Variants in ZMYM4 observed in about 807,000 individuals in gnomAD.
ZMYM4 encodes the protein zinc finger MYM-type containing 4.
A neutral mutation model predicts 183.2 loss-of-function variants in ZMYM4; 31 were observed. The ratio of observed to expected loss-of-function variants is 0.17; its 90% CI spans 0.13 to 0.23. The LOEUF is 0.23. Ranked by LOEUF, ZMYM4 falls within the 10% of genes least tolerant of loss-of-function variation. The pLI is 1.00. For synonymous variants in ZMYM4, 592 were observed against 631.2 expected, an observed-to-expected ratio of 0.94 and a Z score of 0.93; for missense variants, 1,273 against 1,840.3, an observed-to-expected ratio of 0.69 and a Z score of 5.64.
At chr1:35,280,792 G>T (rs1006218955) in intron 1 of ZMYM4, among the ~76,000 whole-genome samples, 11 of 151,978 alleles carry the variant, frequency 7.2e-5, no homozygotes, top group African/African-American at 2.7e-4. Flanking sequence ...CTCTTCATTG[G>T]ATTTAGGGCC....
intron 1 of ZMYM4, among the ~76,000 whole-genome samples, chr1:35,306,241 C>T (rs986693091): frequency 6.6e-6 from 1 of 152,084 alleles, no homozygotes; most frequent in African/African-American, 2.4e-5. Context: ...AAGTTATTAT[C>T]TTTAAAAATT....
chr1:35,317,330 G>C (rs1165469223), intron 1 of ZMYM4, among the ~76,000 whole-genome samples: 3 of 151,974 alleles, frequency 2.0e-5, no homozygotes, highest in Non-Finnish European at 4.4e-5. Flanking sequence ...CTACTCAGGA[G>C]GCTGAGCCAA....
chr1:35,340,108 C>G (rs923370715), intron 2 of ZMYM4, among the ~76,000 whole-genome samples: 35 of 152,104 alleles, frequency 2.3e-4, no homozygotes, highest in African/African-American at 8.5e-4. Flanking sequence ...AAGTTTCTGA[C>G]AGAACAAAAT....
intron 7 of ZMYM4, among the ~76,000 whole-genome samples, chr1:35,372,670 AT>A (rs1000058138): frequency 5.3e-5 from 8 of 152,082 alleles, no homozygotes; most frequent in African/African-American, 1.9e-4. Context: ...GGTGTTTCAG[AT>A]TTTGGATTTT....
Position 35,282,312 on chromosome 1 carries a change from C to T in ZMYM4, c.39+13227C>T, listed in dbSNP as rs75662307. Among the ~76,000 whole-genome samples, 1,254 of 152,326 alleles carry T rather than the reference C, an allele frequency of 8.2e-3. 4 individuals carry two copies. Among genetic ancestry groups the T allele is most frequent in the Middle Eastern group, 0.027 (8 of 294 alleles). ...TCTACCTTTTGTAAGTCTCTTTGCC[C>T]CCTTGCCTTTTTGCTTTTCCATGCT... On this transcript the variant is annotated intron_variant, in intron 1 of 29. Transcript: ENST00000314607.
At chr1:35,283,992 C>T (rs1439457786) in intron 1 of ZMYM4, among the ~76,000 whole-genome samples, 3 of 150,560 alleles carry the variant, frequency 2.0e-5, no homozygotes, top group East Asian at 2.0e-4. Flanking sequence ...TTTTTTGAGA[C>T]GGAGTCTCGC....
At chr1:35,383,455 A>C (rs1644509009) in intron 9 of ZMYM4, among the ~76,000 whole-genome samples, 1 of 152,142 alleles carries the variant, frequency 6.6e-6, no homozygotes, top group East Asian at 1.9e-4. Context: ...ACCTTGTAGT[A>C]ATTTTGGAAT....
At chr1:35,319,582 T>G (rs1642198699) in intron 1 of ZMYM4, among the ~76,000 whole-genome samples, 1 of 152,120 alleles carries the variant, frequency 6.6e-6, no homozygotes, top group African/African-American at 2.4e-5. Context: ...ATGATCATGT[T>G]ACTGCATTCC....
chr1:35,277,477 T>G (rs765145282), intron 1 of ZMYM4, among the ~76,000 whole-genome samples: 1 of 152,204 alleles, frequency 6.6e-6, no homozygotes, highest in South Asian at 2.1e-4. Context: ...TGAATTCTTG[T>G]TGGATCGTTC....
chr1:35,344,721 A>G (rs1015362636), intron 2 of ZMYM4, among the ~76,000 whole-genome samples: 2 of 152,130 alleles, frequency 1.3e-5, no homozygotes, highest in South Asian at 2.1e-4. Context: ...TCTATATTCA[A>G]TTTGCCAATA....
intron 21 of ZMYM4, 48 bp from the exon 22 acceptor site, chr1:35,398,816 A>T: frequency 6.3e-7 from 1 of 1,592,266 alleles, no homozygotes; most frequent in African/African-American, 1.3e-5. Context: ...GCATGTCAAG[A>T]TGAGGCTATT....
chr1:35,368,638 T>C (rs941539318), intron 5 of ZMYM4, among the ~76,000 whole-genome samples: 3 of 152,218 alleles, frequency 2.0e-5, no homozygotes, highest in Admixed American at 6.5e-5. Context: ...TCATTATGTA[T>C]CAAGAACCTT....
intron 3 of ZMYM4, among the ~76,000 whole-genome samples, chr1:35,360,943 ATTT>A (rs558784834): frequency 7.2e-6 from 1 of 138,138 alleles, no homozygotes. Flanking sequence ...AGCAAAAATA[ATTT>A]TTTTTTTTTT....
chr1:35,362,207 G>C (rs752558429), intron 5 of ZMYM4, among the ~76,000 whole-genome samples: 1 of 152,224 alleles, frequency 6.6e-6, no homozygotes, highest in Non-Finnish European at 1.5e-5. Flanking sequence ...TTAATGGACA[G>C]ATCATCTTTG....
chr1:35,340,872 C>T (rs115206670), intron 2 of ZMYM4, among the ~76,000 whole-genome samples: 2,050 of 152,130 alleles, frequency 0.013, 50 homozygotes, highest in African/African-American at 0.047. Flanking sequence ...ATCATGCAAG[C>T]TCTTTATTTT....
At chr1:35,375,570 A>G (rs952879988) in intron 7 of ZMYM4, among the ~76,000 whole-genome samples, 1 of 152,214 alleles carries the variant, frequency 6.6e-6, no homozygotes, top group African/African-American at 2.4e-5. Flanking sequence ...TTCCTCTCTG[A>G]TAACTACTGC....
intron 28 of ZMYM4, among the ~76,000 whole-genome samples, chr1:35,417,101 A>G (rs1321991939): frequency 1.3e-5 from 2 of 152,164 alleles, no homozygotes; most frequent in East Asian, 1.9e-4. Flanking sequence ...GCTGAGTGCA[A>G]TGGCTCATGC....
At chr1:35,323,466 A>T (rs1007144803) in intron 1 of ZMYM4, among the ~76,000 whole-genome samples, 4 of 152,162 alleles carry the variant, frequency 2.6e-5, no homozygotes, top group Non-Finnish European at 4.4e-5. Context: ...AAACAATGGG[A>T]TTCTTCTCAG....
intron 1 of ZMYM4, among the ~76,000 whole-genome samples, chr1:35,287,948 G>C (rs1324548685): frequency 1.3e-5 from 2 of 152,116 alleles, no homozygotes; most frequent in African/African-American, 4.8e-5. Flanking sequence ...TGTTGCCCTG[G>C]ATGGAATGCA....
Sources: gnomAD v4.1 joint callset for allele counts (sites outside exome capture counted in the v4.1 genomes callset) on GRCh38, gnomAD v4.1.1 for gene constraint, MANE v1.5 for transcripts, NCBI Gene and HGNC (gene_info 2026-07-23, HGNC 2026-07-21) for gene names.